Variants in CREM observed in about 807,000 individuals in gnomAD.
The protein encoded by CREM is cAMP-responsive element modulator.
CREM carries 13 observed loss-of-function variants against 37.3 expected under a neutral mutation model. The observed-to-expected ratio is 0.35, with a 90% confidence interval of 0.23 to 0.55. The LOEUF (loss-of-function observed/expected upper bound fraction) is 0.55. CREM is among the 20% of genes least tolerant of loss of function. The pLI is 0.88. For synonymous variants in CREM, 124 were observed against 120.2 expected (o/e 1.03, Z -0.21); for missense variants, 296 against 362.3 (o/e 0.82, Z 1.49).
At chr10:35,137,978 A>G (rs937649763) in intron 2 of CREM, 99 bp downstream of exon 2, 15 of 762,748 alleles carry the variant, frequency 2.0e-5, no homozygotes, top group Admixed American at 3.5e-5. Context: ...ACATGTATGT[A>G]TGTATATATA....
At chr10:35,179,352 T>G in intron 5 of CREM, 76 bp downstream of exon 5, 1 of 1,540,996 alleles carries the variant, frequency 6.5e-7, no homozygotes. Flanking sequence ...AACTCAGGTT[T>G]TGGCATTAAA....
At chr10:35,187,138 T>A (rs1320111496) in intron 5 of CREM, among the ~76,000 whole-genome samples, 6 of 65,852 alleles carry the variant, frequency 9.1e-5, no homozygotes, top group South Asian at 3.4e-4. Context: ...ATTAATATAT[T>A]AATATATAAT....
At position 35,132,707 on chromosome 10, in the gene CREM, T is replaced by C. The variant is rs115269844; in HGVS notation, c.-54-5075T>C. ...AATGGTGTAATTTCATGGTACTGCTTTCTCCCATTGTTTTTCCTGTACTCA... is the reference window on the plus strand; with the variant it reads ...AATGGTGTAATTTCATGGTACTGCTCTCTCCCATTGTTTTTCCTGTACTCA... On this transcript the variant is annotated intron_variant, in intron 1 of 7. Transcript: ENST00000685392. Among the ~76,000 whole-genome samples the C allele has an allele frequency of 8.3e-3, 1,264 of 152,302 alleles. 22 individuals carry two copies. The highest frequency in any genetic ancestry group is 0.028 in the African/African-American group (1,145 of 41,560).
intron 2 of CREM, among the ~76,000 whole-genome samples, chr10:35,143,477 T>C (rs16935888): frequency 0.15 from 22,908 of 152,100 alleles, 1,944 homozygotes; most frequent in East Asian, 0.24. Flanking sequence ...TTTTCAGAGC[T>C]GGACCAATTT....
At chr10:35,205,385 C>T (rs1433363127) in intron 6 of CREM, among the ~76,000 whole-genome samples, 1 of 152,210 alleles carries the variant, frequency 6.6e-6, no homozygotes. Context: ...AATTATCTTT[C>T]CCCAGAGAAA....
At chr10:35,136,129 TC>T (rs919741301) in intron 1 of CREM, among the ~76,000 whole-genome samples, 32 of 152,332 alleles carry the variant, frequency 2.1e-4, no homozygotes, top group African/African-American at 7.7e-4. Context: ...GGGCGGCTGT[TC>T]CTGGACTTCT....
At chr10:35,146,433 T>C (rs148231210) in intron 2 of CREM, among the ~76,000 whole-genome samples, 3 of 152,336 alleles carry the variant, frequency 2.0e-5, no homozygotes, top group Non-Finnish European at 4.4e-5. Context: ...TTTTAATCTT[T>C]AAAACGTTTT....
At chr10:35,165,078 A>AG (rs1564852319) in intron 3 of CREM, among the ~76,000 whole-genome samples, 1 of 148,924 alleles carries the variant, frequency 6.7e-6, no homozygotes, top group African/African-American at 2.5e-5. Context: ...AAAAAAAAAA[A>AG]GAAAAGGAAA....
intron 3 of CREM, chr10:35,167,590 A>G: frequency 1.2e-6 from 1 of 800,110 alleles, no homozygotes; most frequent in African/African-American, 1.7e-5. Flanking sequence ...CTGTGTTACA[A>G]CACTGTGAGG....
chr10:35,175,969 T>TAACC, intron 3 of CREM: 1 of 1,551,280 alleles, frequency 6.4e-7, no homozygotes, highest in East Asian at 2.4e-5. Context: ...AGCCATGGGT[T>TAACC]ATTCAGTCAT....
At chr10:35,158,780 G>C (rs2093074333) in intron 3 of CREM, 1 of 148,408 alleles carries the variant, frequency 6.7e-6, no homozygotes, top group South Asian at 2.1e-4. Context: ...CCACTTTTTG[G>C]AGAGTAGCAA....
intron 3 of CREM, chr10:35,158,413 C>A: frequency 3.5e-6 from 1 of 287,828 alleles, no homozygotes; most frequent in South Asian, 3.1e-5. Flanking sequence ...TGAAGCAGGC[C>A]AAAGAAGTAG....
intron 3 of CREM, among the ~76,000 whole-genome samples, chr10:35,165,608 G>C (rs538942068): frequency 6.6e-6 from 1 of 151,926 alleles, no homozygotes; most frequent in African/African-American, 2.4e-5. Flanking sequence ...ATCAGTTTCA[G>C]TCTTACTGAA....
chr10:35,174,122 T>TC (rs2093945222), intron 3 of CREM, among the ~76,000 whole-genome samples: 1 of 152,226 alleles, frequency 6.6e-6, no homozygotes, highest in Admixed American at 6.5e-5. Flanking sequence ...AGCTGAATTT[T>TC]CCCTGTGGGC....
At chr10:35,163,923 G>A (rs745415550) in intron 3 of CREM, among the ~76,000 whole-genome samples, 1 of 151,258 alleles carries the variant, frequency 6.6e-6, no homozygotes, top group Non-Finnish European at 1.5e-5. Context: ...GATCGCTTGA[G>A]CCTGGGAAGC....
At chr10:35,173,106 G>A (rs965642866) in intron 3 of CREM, among the ~76,000 whole-genome samples, 5 of 152,224 alleles carry the variant, frequency 3.3e-5, no homozygotes, top group Non-Finnish European at 7.3e-5. Flanking sequence ...CAGTGAGCCA[G>A]TATTTTCCAA....
At chr10:35,142,284 A>G (rs180965419) in intron 2 of CREM, among the ~76,000 whole-genome samples, 97 of 152,282 alleles carry the variant, frequency 6.4e-4, no homozygotes, top group African/African-American at 2.2e-3. Context: ...GGGGGAGAGA[A>G]TAATTGATAG....
intron 2 of CREM, among the ~76,000 whole-genome samples, chr10:35,143,345 A>G (rs1235273678): frequency 6.6e-6 from 1 of 152,212 alleles, no homozygotes; most frequent in Non-Finnish European, 1.5e-5. Flanking sequence ...GCAGATGGGC[A>G]GAGAGAAAGT....
At chr10:35,142,653 T>C (rs967894853) in intron 2 of CREM, among the ~76,000 whole-genome samples, 4 of 152,208 alleles carry the variant, frequency 2.6e-5, no homozygotes, top group African/African-American at 9.6e-5. Flanking sequence ...TCACCCAGGC[T>C]GGAGTGCAGT....
Sources: gnomAD v4.1 joint callset for allele counts (sites outside exome capture counted in the v4.1 genomes callset) on GRCh38, gnomAD v4.1.1 for gene constraint, MANE v1.5 for transcripts, NCBI Gene and HGNC (gene_info 2026-07-23, HGNC 2026-07-21) for gene names.